The following NRCAM variants were observed in gnomAD, a reference collection of about 807,000 sequenced individuals.
The protein encoded by NRCAM is neuronal cell adhesion molecule.
In NRCAM, 83 loss-of-function variants were observed where a neutral mutation model predicts 156.5. The observed-to-expected ratio is 0.53, with a 90% confidence interval of 0.44 to 0.64. The LOEUF is 0.64. Among genes scored for constraint, NRCAM ranks in the 30% least tolerant of loss-of-function variants. NRCAM has a pLI of 0.00. For synonymous variants in NRCAM, 538 were observed against 563.9 expected (o/e 0.95, Z 0.65); for missense variants, 1,417 against 1,597.3 (o/e 0.89, Z 1.92).
chr7:108,255,207 C>G (rs1325728215), intron 3 of NRCAM, among the ~76,000 whole-genome samples: 3 of 149,020 alleles, frequency 2.0e-5, no homozygotes, highest in Non-Finnish European at 3.0e-5. Flanking sequence ...CGGTCTCCCT[C>G]TGATGCGGAG....
chr7:108,445,216 A>G (rs990259002), intron 1 of NRCAM, among the ~76,000 whole-genome samples: 1 of 152,246 alleles, frequency 6.6e-6, no homozygotes, highest in African/African-American at 2.4e-5. Context: ...ATTGACTGCA[A>G]CTGAAAAATA....
chr7:108,273,033 T>C (rs1318212271), intron 3 of NRCAM, among the ~76,000 whole-genome samples: 1 of 152,190 alleles, frequency 6.6e-6, no homozygotes, highest in East Asian at 1.9e-4. Flanking sequence ...TTGCTGAGAA[T>C]GATGGTTTCC....
At chr7:108,268,377 A>G (rs1246598285) in intron 3 of NRCAM, among the ~76,000 whole-genome samples, 1 of 152,152 alleles carries the variant, frequency 6.6e-6, no homozygotes, top group African/African-American at 2.4e-5. Context: ...GGGCTACATC[A>G]GAAATTCCTT....
intron 1 of NRCAM, among the ~76,000 whole-genome samples, chr7:108,453,435 C>G (rs1852800875): frequency 6.6e-6 from 1 of 152,178 alleles, no homozygotes; most frequent in African/African-American, 2.4e-5. Context: ...ACAGGAAGTA[C>G]TATTTCCAAA....
chr7:108,293,877 T>C (rs539787413), intron 3 of NRCAM, among the ~76,000 whole-genome samples: 1 of 152,308 alleles, frequency 6.6e-6, no homozygotes, highest in African/African-American at 2.4e-5. Context: ...AATTTTAAAC[T>C]CAGGGCTCTT....
chr7:108,364,044 C>A (rs1045507703), intron 2 of NRCAM, among the ~76,000 whole-genome samples: 2 of 152,134 alleles, frequency 1.3e-5, no homozygotes, highest in African/African-American at 4.8e-5. Context: ...CATATTGATT[C>A]ATTAATTATA....
intron 32 of NRCAM, among the ~76,000 whole-genome samples, chr7:108,157,749 CG>C (rs2046413604): frequency 6.6e-6 from 1 of 152,056 alleles, no homozygotes; most frequent in African/African-American, 2.4e-5. Flanking sequence ...GGTTTCACAT[CG>C]CTGTAAGAGC....
At chr7:108,181,197 A>G (rs1248516258) in intron 24 of NRCAM, among the ~76,000 whole-genome samples, 1 of 115,504 alleles carries the variant, frequency 8.7e-6, no homozygotes, top group African/African-American at 4.3e-5. Context: ...GCTAGGGGGA[A>G]AAAAAAAAAG....
chr7:108,294,931 T>C (rs2098422896), intron 3 of NRCAM, among the ~76,000 whole-genome samples: 1 of 152,292 alleles, frequency 6.6e-6, no homozygotes, highest in South Asian at 2.1e-4. Context: ...TACATTAGTA[T>C]CCCTAAAGTC....
intron 30 of NRCAM, among the ~76,000 whole-genome samples, chr7:108,162,306 C>A (rs2049608784): frequency 6.6e-6 from 1 of 152,096 alleles, no homozygotes; most frequent in African/African-American, 2.4e-5. Flanking sequence ...CTGAGACAGG[C>A]AAAAAGGTAT....
chr7:108,316,504 G>A (rs1012701805), intron 2 of NRCAM, among the ~76,000 whole-genome samples: 3 of 152,050 alleles, frequency 2.0e-5, no homozygotes, highest in Non-Finnish European at 2.9e-5. Context: ...GGCCGGGCAC[G>A]GTGGCTCACG....
chr7:108,280,378 A>G (rs184126410), intron 3 of NRCAM, among the ~76,000 whole-genome samples: 60 of 152,328 alleles, frequency 3.9e-4, no homozygotes, highest in African/African-American at 1.3e-3. Context: ...TGATAAGTAA[A>G]TAAAGAATTA....
intron 8 of NRCAM, among the ~76,000 whole-genome samples, chr7:108,230,065 T>C (rs1224436362): frequency 6.6e-6 from 1 of 152,186 alleles, no homozygotes; most frequent in Non-Finnish European, 1.5e-5. Flanking sequence ...CCAATAACTA[T>C]TAGCTATTGC....
At chr7:108,347,660 G>A (rs962049297) in intron 2 of NRCAM, among the ~76,000 whole-genome samples, 3 of 152,210 alleles carry the variant, frequency 2.0e-5, no homozygotes, top group Non-Finnish European at 4.4e-5. Context: ...AGTGGAAGTT[G>A]TATTTTCCTA....
At chr7:108,242,105 C>G (rs903443280) in intron 3 of NRCAM, among the ~76,000 whole-genome samples, 1 of 151,664 alleles carries the variant, frequency 6.6e-6, no homozygotes, top group Middle Eastern at 3.4e-3. Context: ...GAAATCCCGT[C>G]CCTACTAAAA....
intron 28 of NRCAM, among the ~76,000 whole-genome samples, 200 bp downstream of exon 28, chr7:108,175,122 A>T (rs1269967321): frequency 1.3e-5 from 2 of 152,192 alleles, no homozygotes; most frequent in African/African-American, 2.4e-5. Context: ...TCAAGAAAAA[A>T]TGTTTTGAGA....
intron 25 of NRCAM, chr7:108,178,368 G>T: frequency 4.2e-6 from 2 of 473,800 alleles, no homozygotes; most frequent in Non-Finnish European, 7.9e-6. Flanking sequence ...CCTTTAGATG[G>T]ACTCAAACCT....
At position 108,160,473 on chromosome 7, in the gene NRCAM, C is replaced by T; in HGVS notation, c.3486G>A (p.Val1162=). Residue 1162 remains valine (V), a synonymous_variant, in exon 31 of 33, where the codon GTG becomes GTA. Transcript: ENST00000379028. ...TGAACCAGCCCTGAGTTGCAATATC[C>T]ACCTGCCGGCTTGCCATCGCTGGAA... The part of the protein sequence containing the change: ...ETGPAMASRQ[V]DIATQGWFIG... The T allele has an allele frequency of 1.9e-6, 3 of 1,613,124 alleles. No homozygotes were observed. Among genetic ancestry groups the T allele is most frequent in the Non-Finnish European group, 2.5e-6 (3 of 1,179,550 alleles).
At chr7:108,373,111 G>C (rs1489693909) in intron 2 of NRCAM, among the ~76,000 whole-genome samples, 1 of 152,140 alleles carries the variant, frequency 6.6e-6, no homozygotes, top group African/African-American at 2.4e-5. Flanking sequence ...GATAAATACT[G>C]CATGGTTCCA....
Sources: gnomAD v4.1 joint callset for allele counts (sites outside exome capture counted in the v4.1 genomes callset) on GRCh38, gnomAD v4.1.1 for gene constraint, MANE v1.5 for transcripts, NCBI Gene and HGNC (gene_info 2026-07-23, HGNC 2026-07-21) for gene names.